Variants in NLGN1 observed in about 807,000 individuals in gnomAD.
NLGN1 encodes the protein neuroligin 1.
A neutral mutation model predicts 65.5 loss-of-function variants in NLGN1; 12 were observed. That is an observed-to-expected ratio of 0.18 (90% CI 0.12 to 0.30). The LOEUF (loss-of-function observed/expected upper bound fraction) is 0.30, where lower values mean the gene tolerates loss of function less well. Ranked by LOEUF, NLGN1 falls within the 10% of genes least tolerant of loss-of-function variation. The probability of loss-of-function intolerance (pLI) is 1.00; values close to 1 mark genes in which losing one functional copy is unlikely to be tolerated. For missense variants in NLGN1, 750 were observed against 1,007.1 expected, an observed-to-expected ratio of 0.74 and a Z score of 3.46; for synonymous variants, 350 against 359.5, an observed-to-expected ratio of 0.97 and a Z score of 0.30.
chr3:173,570,029 C>T (rs1744376994), intron 2 of NLGN1, among the ~76,000 whole-genome samples: 1 of 152,078 alleles, frequency 6.6e-6, no homozygotes, highest in South Asian at 2.1e-4. Flanking sequence ...TTAATATAAG[C>T]AAATATGATA....
chr3:173,919,822 T>A (rs761149258), intron 4 of NLGN1, among the ~76,000 whole-genome samples: 54 of 152,200 alleles, frequency 3.5e-4, no homozygotes, highest in Non-Finnish European at 6.0e-4. Context: ...TATGCACAGT[T>A]TTGCTATAGA....
At chr3:173,981,291 T>C (rs1232012314) in intron 4 of NLGN1, among the ~76,000 whole-genome samples, 1 of 152,204 alleles carries the variant, frequency 6.6e-6, no homozygotes, top group Non-Finnish European at 1.5e-5. Context: ...TAACTGATTT[T>C]ATTTTATTTT....
intron 4 of NLGN1, among the ~76,000 whole-genome samples, chr3:173,954,249 CT>C (rs1339118337): frequency 3.3e-5 from 5 of 152,114 alleles, no homozygotes; most frequent in African/African-American, 1.2e-4. Context: ...TAGTAAATGG[CT>C]TATGTATATC....
intron 3 of NLGN1, among the ~76,000 whole-genome samples, chr3:173,719,179 G>A (rs1417804060): frequency 6.6e-6 from 1 of 152,106 alleles, no homozygotes; most frequent in Non-Finnish European, 1.5e-5. Context: ...ATGGATGGAT[G>A]GATCAATCAG....
chr3:173,858,373 T>C (rs1323556429), intron 4 of NLGN1, among the ~76,000 whole-genome samples: 1 of 152,088 alleles, frequency 6.6e-6, no homozygotes, highest in African/African-American at 2.4e-5. Context: ...TCATTTTCTC[T>C]TCTAGGATGT....
chr3:173,563,794 G>A (rs923857454), intron 2 of NLGN1, among the ~76,000 whole-genome samples: 3 of 151,970 alleles, frequency 2.0e-5, no homozygotes, highest in Non-Finnish European at 4.4e-5. Flanking sequence ...AGTTAAAGCC[G>A]TCGGCATCTT....
chr3:173,703,523 A>T (rs16829826), intron 3 of NLGN1, among the ~76,000 whole-genome samples: 26,941 of 152,092 alleles, frequency 0.18, 2,888 homozygotes, highest in African/African-American at 0.31. Flanking sequence ...TTTAAGTCCT[A>T]TAAATGCTGG....
intron 4 of NLGN1, among the ~76,000 whole-genome samples, chr3:174,045,392 T>A (rs577279057): frequency 2.8e-4 from 42 of 152,058 alleles, no homozygotes; most frequent in Non-Finnish European, 5.6e-4. Flanking sequence ...CATAAAACCA[T>A]CAGATCTTGC....
At chr3:174,021,043 A>T (rs1280325679) in intron 4 of NLGN1, among the ~76,000 whole-genome samples, 1 of 151,892 alleles carries the variant, frequency 6.6e-6, no homozygotes, top group Non-Finnish European at 1.5e-5. Flanking sequence ...TTACTCAGCT[A>T]TTGCTCCTCT....
At chr3:174,153,182 T>G (rs934649532) in intron 4 of NLGN1, among the ~76,000 whole-genome samples, 2 of 152,132 alleles carry the variant, frequency 1.3e-5, no homozygotes, top group Non-Finnish European at 2.9e-5. Context: ...CTATAATATG[T>G]CACTCCCTTA....
intron 4 of NLGN1, among the ~76,000 whole-genome samples, chr3:174,150,483 G>A (rs151196848): frequency 1.8e-4 from 28 of 152,230 alleles, no homozygotes; most frequent in African/African-American, 6.5e-4. Flanking sequence ...GTCCCTAGGC[G>A]TTGCCAAATG....
At chr3:173,760,043 T>G (rs965806768) in intron 3 of NLGN1, among the ~76,000 whole-genome samples, 5 of 151,952 alleles carry the variant, frequency 3.3e-5, no homozygotes, top group Non-Finnish European at 7.4e-5. Context: ...GATCCTTACA[T>G]TCCAAAATAT....
At chr3:173,496,804 C>T (rs775078511) in intron 2 of NLGN1, among the ~76,000 whole-genome samples, 23 of 151,794 alleles carry the variant, frequency 1.5e-4, no homozygotes, top group Non-Finnish European at 2.9e-4. Context: ...AATAAGACTT[C>T]GTATTGTAAA....
intron 2 of NLGN1, among the ~76,000 whole-genome samples, chr3:173,547,555 C>G (rs1740088171): frequency 6.6e-6 from 1 of 152,110 alleles, no homozygotes; most frequent in East Asian, 1.9e-4. Flanking sequence ...TATGCAGTCC[C>G]AGATCTCCAA....
chr3:173,448,320 C>T (rs1205410519), intron 2 of NLGN1, among the ~76,000 whole-genome samples: 1 of 152,138 alleles, frequency 6.6e-6, no homozygotes, highest in African/African-American at 2.4e-5. Flanking sequence ...TTGAGATAAT[C>T]ATGTGATTTT....
At chr3:174,109,413 C>G (rs1055772710) in intron 4 of NLGN1, among the ~76,000 whole-genome samples, 1 of 151,792 alleles carries the variant, frequency 6.6e-6, no homozygotes, top group Non-Finnish European at 1.5e-5. Flanking sequence ...GCTATTATTG[C>G]CTTTTGGACT....
chr3:174,062,585 C>G (rs1160556762), intron 4 of NLGN1, among the ~76,000 whole-genome samples: 2 of 151,730 alleles, frequency 1.3e-5, no homozygotes, highest in Admixed American at 6.6e-5. Flanking sequence ...TTATATGAAC[C>G]AGAATGTTAC....
intron 3 of NLGN1, among the ~76,000 whole-genome samples, chr3:173,681,331 A>G (rs796206737): frequency 1.4e-4 from 21 of 152,354 alleles, no homozygotes; most frequent in African/African-American, 4.6e-4. Context: ...TTGATGGATA[A>G]TAATTGACTG....
At chr3:173,807,952 C>A in intron 4 of NLGN1, 120 bp downstream of exon 4, 1 of 935,936 alleles carries the variant, frequency 1.1e-6, no homozygotes, top group Non-Finnish European at 1.6e-6. Context: ...TGTTGACATT[C>A]TCGAGCCCAA....
Sources: gnomAD v4.1 joint callset for allele counts (sites outside exome capture counted in the v4.1 genomes callset) on GRCh38, gnomAD v4.1.1 for gene constraint, MANE v1.5 for transcripts, NCBI Gene and HGNC (gene_info 2026-07-23, HGNC 2026-07-21) for gene names.